The following DOCK2 variants were observed in gnomAD, a reference collection of about 807,000 sequenced individuals.
The protein encoded by DOCK2 is dedicator of cytokinesis protein 2.
A neutral mutation model predicts 248.9 loss-of-function variants in DOCK2; 87 were observed. The observed-to-expected ratio is 0.35, with a 90% CI of 0.29 to 0.42. The LOEUF (loss-of-function observed/expected upper bound fraction) is 0.42, where lower values mean the gene tolerates loss of function less well. DOCK2 is among the 10% of genes least tolerant of loss of function. The probability of loss-of-function intolerance (pLI) is 1.00; values close to 1 mark genes in which losing one functional copy is unlikely to be tolerated. For missense variants in DOCK2, 1,747 were observed against 2,300.2 expected (o/e 0.76, Z 4.92); for synonymous variants, 805 against 821.6 (o/e 0.98, Z 0.35).
chr5:170,069,253 T>C (rs2113869354), intron 46 of DOCK2, 33 bp downstream of exon 46: 1 of 1,605,896 alleles, frequency 6.2e-7, no homozygotes, highest in Non-Finnish European at 8.5e-7. Flanking sequence ...AGCATGCTGC[T>C]CTCCTTCCTC....
chr5:169,677,028 C>CGGTG (rs1759371351), intron 6 of DOCK2, among the ~76,000 whole-genome samples: 1 of 152,146 alleles, frequency 6.6e-6, no homozygotes, highest in African/African-American at 2.4e-5. Context: ...TATTCTCACC[C>CGGTG]TGTTTCTCAG....
At chr5:169,985,786 T>C (rs368382488) in intron 28 of DOCK2, 42 bp from the exon 29 acceptor site, 9 of 1,543,786 alleles carry the variant, frequency 5.8e-6, no homozygotes, top group Non-Finnish European at 7.9e-6. Context: ...TCTGAGTTCC[T>C]GTAAAACAGG....
In DOCK2 at chr5:169,877,332, A is replaced by C. The variant is rs373661951; in HGVS notation, c.2799+36480A>C. On this transcript the variant is annotated intron_variant, in intron 27 of 51. Coordinates refer to ENST00000520908, the MANE Select transcript of DOCK2 (RefSeq NM_004946.3). ...TCTGCATGGAGGATTACTTGAGATA[A>C]GGGAAAAGAGACCTGTGTCAAAAAG... Among the ~76,000 whole-genome samples, 199 of 152,324 alleles carry C rather than the reference A, an allele frequency of 1.3e-3. 5 individuals carry two copies. In the South Asian group the frequency reaches 0.039, roughly 30 times the overall value.
chr5:170,036,417 C>A, intron 35 of DOCK2, 98 bp from the exon 36 acceptor site: 1 of 1,263,322 alleles, frequency 7.9e-7, no homozygotes, highest in Non-Finnish European at 1.1e-6. Context: ...TACCCAGATA[C>A]TAGACAGCAA....
intron 22 of DOCK2, among the ~76,000 whole-genome samples, chr5:169,734,604 A>G (rs1321751077): frequency 6.6e-6 from 1 of 152,250 alleles, no homozygotes; most frequent in Non-Finnish European, 1.5e-5. Flanking sequence ...AGCAAGGAAC[A>G]TGAATTGGAA....
At chr5:169,795,028 A>C (rs1036483660) in intron 25 of DOCK2, among the ~76,000 whole-genome samples, 5 of 152,184 alleles carry the variant, frequency 3.3e-5, no homozygotes, top group African/African-American at 1.2e-4. Context: ...CCCCATCCCT[A>C]CACACACATA....
intron 50 of DOCK2, 123 bp from the exon 51 acceptor site, chr5:170,081,719 C>A: frequency 8.8e-7 from 1 of 1,132,776 alleles, no homozygotes; most frequent in Non-Finnish European, 1.2e-6. Context: ...TCCTGCTTGG[C>A]ACATACAATG....
At chr5:169,825,993 C>T (rs1007637188) in intron 26 of DOCK2, among the ~76,000 whole-genome samples, 8 of 151,676 alleles carry the variant, frequency 5.3e-5, no homozygotes, top group African/African-American at 9.7e-5. Context: ...GAAGAGATGA[C>T]GTAGCACATC....
chr5:169,996,990 G>A (rs1581514736), intron 30 of DOCK2, among the ~76,000 whole-genome samples: 2 of 152,210 alleles, frequency 1.3e-5, no homozygotes, highest in Middle Eastern at 3.4e-3. Context: ...AGGGGACCCG[G>A]GGAACCAGTG....
rs766742115 is a variant in DOCK2 at position 170,067,528 on chromosome 5, G to C, written c.4486G>C (p.Glu1496Gln). ...HMSQTTISPLENAIETMSTAN... is the reference protein window; with the variant it reads ...HMSQTTISPLQNAIETMSTAN... ...TCAACAGACCACAATTAGTCCTCTG[G>C]AGAATGCCATAGAAACCATGTCCAC... Residue 1496 changes from glutamate (E) to glutamine (Q), a missense_variant, in exon 45 of 52, where the codon GAG becomes CAG. Around this residue, in one of 4 missense-constraint regions of DOCK2, gnomAD observed 513 missense variants for 586.1 expected, o/e 0.88. Coordinates refer to ENST00000520908, the MANE Select transcript of DOCK2 (RefSeq NM_004946.3). The C allele has an allele frequency of 6.2e-7, 1 of 1,614,072 alleles. No homozygotes were observed. The highest frequency in any genetic ancestry group is 2.2e-5 in the East Asian group (1 of 44,874).
intron 51 of DOCK2, 129 bp downstream of exon 51, chr5:170,082,113 G>T: frequency 7.6e-7 from 1 of 1,313,388 alleles, no homozygotes; most frequent in South Asian, 1.4e-5. Flanking sequence ...TAGTCAGGAG[G>T]CCCTGAGTTC....
intron 27 of DOCK2, chr5:169,841,346 G>A (rs1330936853): frequency 2.0e-5 from 20 of 987,582 alleles, no homozygotes; most frequent in Non-Finnish European, 2.3e-5. Context: ...AGTATGTTCT[G>A]AAGATCAGGA....
chr5:169,691,274 C>T (rs138349687), intron 9 of DOCK2, among the ~76,000 whole-genome samples: 89 of 152,166 alleles, frequency 5.8e-4, no homozygotes, highest in African/African-American at 2.1e-3. Flanking sequence ...AAGAAAGCAC[C>T]CCCATGATCC....
intron 27 of DOCK2, among the ~76,000 whole-genome samples, chr5:169,869,892 C>T (rs1016336423): frequency 1.3e-5 from 2 of 152,222 alleles, no homozygotes; most frequent in African/African-American, 4.8e-5. Context: ...CCATATTTCA[C>T]ATATGCTGTA....
chr5:170,001,543 T>C (rs1754832917), intron 30 of DOCK2, among the ~76,000 whole-genome samples: 1 of 152,184 alleles, frequency 6.6e-6, no homozygotes, highest in Admixed American at 6.5e-5. Context: ...GACAAGATAT[T>C]GAACCTCTCT....
intron 27 of DOCK2, among the ~76,000 whole-genome samples, chr5:169,961,457 T>G (rs936658514): frequency 4.6e-5 from 7 of 152,240 alleles, no homozygotes; most frequent in Admixed American, 1.3e-4. Context: ...CTGAGCATAA[T>G]GTTTGAAATT....
In DOCK2 at chr5:169,997,300, A is replaced by G. The variant is rs11950950; in HGVS notation, c.3072+1136A>G. ...CCTATCTCAGTAGATGGAGCATACA[A>G]TCGGGTTTTATACCGAGACATTCCA... On this transcript the variant is annotated intron_variant, in intron 30 of 51. Coordinates refer to ENST00000520908, the MANE Select transcript of DOCK2 (RefSeq NM_004946.3). Among the ~76,000 whole-genome samples the G allele has an allele frequency of 8.9e-3, 1,186 of 132,856 alleles. 23 individuals carry two copies. Among genetic ancestry groups the G allele is most frequent in the African/African-American group, 0.034 (1,071 of 31,374 alleles). 87.2% of individuals were successfully genotyped at this position (132,856 alleles called of 152,430 possible). A position where few individuals can be genotyped will look rare whatever the true frequency, so the allele number is the denominator to read the frequency against.
At chr5:169,891,738 A>G (rs928792184) in intron 27 of DOCK2, among the ~76,000 whole-genome samples, 11 of 152,124 alleles carry the variant, frequency 7.2e-5, no homozygotes, top group African/African-American at 2.7e-4. Flanking sequence ...TAATCCCAGC[A>G]CTTTGGGAGG....
At chr5:170,072,930 G>A (rs780879713) in intron 46 of DOCK2, among the ~76,000 whole-genome samples, 1 of 152,102 alleles carries the variant, frequency 6.6e-6, no homozygotes, top group Non-Finnish European at 1.5e-5. Context: ...TCAAATATAT[G>A]TATTGCAAAT....
Sources: allele counts gnomAD v4.1 joint callset (sites outside exome capture counted in the v4.1 genomes callset), GRCh38; gene constraint gnomAD v4.1.1; regional missense constraint gnomAD v4.1.1; transcripts MANE v1.5; gene names NCBI Gene and HGNC (gene_info 2026-07-23, HGNC 2026-07-21).